NEXMIF: variants seen among roughly 807,000 people sequenced by gnomAD.
The protein encoded by NEXMIF is XLMR protein related to neurite extension.
In NEXMIF, 8 loss-of-function variants were observed where a neutral mutation model predicts 62.1. The ratio of observed to expected loss-of-function variants is 0.13; its 90% confidence interval spans 0.08 to 0.23. The LOEUF (loss-of-function observed/expected upper bound fraction) is 0.23. NEXMIF is among the 10% of genes least tolerant of loss of function. The probability of loss-of-function intolerance (pLI) is 1.00; values close to 1 mark genes in which losing one functional copy is unlikely to be tolerated. For synonymous variants in NEXMIF, 404 were observed against 416.6 expected (o/e 0.97, Z 0.37); for missense variants, 976 against 1,113.3 (o/e 0.88, Z 1.75).
At chrX:74,812,584 A>G (rs979947115) in intron 1 of NEXMIF, among the ~76,000 whole-genome samples, 9 of 111,640 alleles carry the variant, frequency 8.1e-5, no homozygotes, top group Non-Finnish European at 1.7e-4. Flanking sequence ...TAAATATTAC[A>G]TAGGATAACA....
At chrX:74,848,345 TA>T (rs2080500338) in intron 1 of NEXMIF, among the ~76,000 whole-genome samples, 1 of 112,525 alleles carries the variant, frequency 8.9e-6, no homozygotes, top group South Asian at 3.6e-4. Context: ...ACCATGGATT[TA>T]AAACACATTA....
At chrX:74,813,093 G>A (rs2080365475) in intron 1 of NEXMIF, among the ~76,000 whole-genome samples, 1 of 111,727 alleles carries the variant, frequency 9.0e-6, no homozygotes, top group Admixed American at 9.6e-5. Flanking sequence ...GATGATGTGA[G>A]GTTAAAGAAG....
At chrX:74,842,397 C>T (rs879115311) in intron 1 of NEXMIF, among the ~76,000 whole-genome samples, 1 of 111,476 alleles carries the variant, frequency 9.0e-6, no homozygotes, top group Non-Finnish European at 1.9e-5. Flanking sequence ...AGAGGCCTAT[C>T]TATCTTATTA....
In NEXMIF at chrX:74,861,399, C is replaced by A. The variant is rs1223613299; in HGVS notation, c.-48+63484G>T. Reference sequence around the variant, plus strand: ...GTACCTGAAAGAGACAGAGACAGAACGGAAATAAGTTGGAAAACATACTAC... The same window carrying A: ...GTACCTGAAAGAGACAGAGACAGAAAGGAAATAAGTTGGAAAACATACTAC... On this transcript the variant is annotated intron_variant, in intron 1 of 3. Transcript: ENST00000055682. 1.5e-4 allele frequency among the ~76,000 whole-genome samples: 17 copies of A among 111,570 alleles called. No homozygotes were observed. The Admixed American group carries it at 1.6e-3, about 11-fold the overall frequency.
rs1357378684 is a variant in NEXMIF at position 74,796,224 on chromosome X, TATATAATATATATATATATACAC to T, written c.-47-50550_-47-50528del. Among the ~76,000 whole-genome samples the T allele has an allele frequency of 1.0e-3, 66 of 65,067 alleles. 1 individual carries two copies. Among genetic ancestry groups the T allele is most frequent in the African/African-American group, 3.9e-3 (60 of 15,383 alleles). The allele number at this position is 65,067 out of a possible 115,157, so 56.5% of individuals were successfully genotyped here. On this transcript the variant is annotated intron_variant, in intron 1 of 3. Transcript: ENST00000055682. ...TACATATATATTATATATATATACA[TATATAATATATATATATATACAC>T]ATATATATTATATATATTATATATA...
rs180779724 is a variant in NEXMIF, at chrX:74,916,825, G to A, written c.-48+8058C>T. Among the ~76,000 whole-genome samples, 10 of 111,948 alleles carry A rather than the reference G, an allele frequency of 8.9e-5. No homozygotes were observed. In the East Asian group the frequency reaches 2.8e-3, roughly 31 times the overall value. The stretch of plus-strand genomic sequence containing the variant: ...TAGGAAAATAGGGGGGTAAATTCAT[G>A]CAGATGGTAAAAAGACCCAGCCAGG... On this transcript the variant is annotated intron_variant, in intron 1 of 3. Transcript: ENST00000055682.
At chrX:74,835,293 G>A (rs2080452685) in intron 1 of NEXMIF, among the ~76,000 whole-genome samples, 1 of 111,945 alleles carries the variant, frequency 8.9e-6, no homozygotes, top group Non-Finnish European at 1.9e-5. Flanking sequence ...TGTTTCTTTA[G>A]GATAGGTCCT....
At chrX:74,892,698 A>G (rs1355683896) in intron 1 of NEXMIF, among the ~76,000 whole-genome samples, 4 of 112,364 alleles carry the variant, frequency 3.6e-5, no homozygotes, top group Non-Finnish European at 7.5e-5. Context: ...TATTTTAATG[A>G]CAATAAATGT....
chrX:74,845,502 T>C (rs1469572221), intron 1 of NEXMIF, among the ~76,000 whole-genome samples: 1 of 111,084 alleles, frequency 9.0e-6, no homozygotes, highest in Non-Finnish European at 1.9e-5. Context: ...ACTCAAGGTA[T>C]ATTTACGGGA....
rs1476273897 is a variant in NEXMIF at position 74,734,182 on chromosome X, G to A, written c.*5223C>T. ...AACTTAGGTTACATTCATAAAAAGG[G>A]CCTCTAACGCTTTTATTTTAAATTT... is the stretch of plus-strand genomic sequence containing the variant. On this transcript the variant is annotated 3_prime_UTR_variant, in exon 4 of 4. Coordinates refer to ENST00000055682, the MANE Select transcript of NEXMIF (RefSeq NM_001008537.3). 8.9e-6 allele frequency: 1 copy of A among 112,085 alleles called. No individual in the cohort carries two copies. The allele number at this position is 112,085 out of a possible 1,213,427, so 9.2% of individuals were successfully genotyped here.
At chrX:74,872,993 A>G (rs930480995) in intron 1 of NEXMIF, among the ~76,000 whole-genome samples, 2 of 104,356 alleles carry the variant, frequency 1.9e-5, no homozygotes, top group East Asian at 3.0e-4. Context: ...TAATTAATTA[A>G]TTTATTATTA....
intron 1 of NEXMIF, among the ~76,000 whole-genome samples, chrX:74,809,205 C>T (rs1008044223): frequency 8.9e-6 from 1 of 111,825 alleles, no homozygotes; most frequent in Non-Finnish European, 1.9e-5. Flanking sequence ...GTTATAGCAG[C>T]ACAGACTAAA....
At chrX:74,846,193 C>T (rs1268694633) in intron 1 of NEXMIF, among the ~76,000 whole-genome samples, 1 of 112,647 alleles carries the variant, frequency 8.9e-6, no homozygotes. Context: ...AATTTTATCT[C>T]CTCCTTTTTG....
chrX:74,855,080 T>C (rs909312605), intron 1 of NEXMIF, among the ~76,000 whole-genome samples: 10 of 112,089 alleles, frequency 8.9e-5, no homozygotes, highest in African/African-American at 2.3e-4. Context: ...AAAATTTATA[T>C]GGAACTCAAA....
At chrX:74,884,109 A>C (rs779647422) in intron 1 of NEXMIF, among the ~76,000 whole-genome samples, 232 of 111,906 alleles carry the variant, frequency 2.1e-3, no homozygotes, top group African/African-American at 6.4e-3. Flanking sequence ...GAGATTTTGT[A>C]ACCACCAGGC....
intron 1 of NEXMIF, among the ~76,000 whole-genome samples, chrX:74,819,649 G>A (rs1213119100): frequency 5.4e-5 from 6 of 111,868 alleles, no homozygotes; most frequent in Admixed American, 9.4e-5. Context: ...ACCATCCCAC[G>A]CCAGTTAGAA....
At chrX:74,843,116 T>C (rs1031076795) in intron 1 of NEXMIF, among the ~76,000 whole-genome samples, 3 of 111,850 alleles carry the variant, frequency 2.7e-5, no homozygotes, top group Admixed American at 1.9e-4. Context: ...TAAGTCTCTT[T>C]TTATGTTTCT....
At chrX:74,800,533 C>T (rs2080326556) in intron 1 of NEXMIF, among the ~76,000 whole-genome samples, 1 of 110,801 alleles carries the variant, frequency 9.0e-6, no homozygotes. Flanking sequence ...CAGAACAGTT[C>T]CGTGATCCCA....
chrX:74,784,693 G>C (rs759161262), intron 1 of NEXMIF, among the ~76,000 whole-genome samples: 2 of 110,370 alleles, frequency 1.8e-5, no homozygotes, highest in Non-Finnish European at 3.8e-5. Flanking sequence ...GTCTTGAGTT[G>C]CTCAAATCGT....
Sources: gnomAD v4.1 joint callset for allele counts (sites outside exome capture counted in the v4.1 genomes callset) on GRCh38, gnomAD v4.1.1 for gene constraint, MANE v1.5 for transcripts, NCBI Gene and HGNC (gene_info 2026-07-23, HGNC 2026-07-21) for gene names.